PCDH7: variants seen among roughly 807,000 people sequenced by gnomAD.
PCDH7 encodes protocadherin 7.
Under a neutral mutation model 58.9 loss-of-function variants are expected in PCDH7, and 17 were observed. The ratio of observed to expected loss-of-function variants is 0.29; its 90% CI spans 0.20 to 0.43. PCDH7 has a LOEUF of 0.43. Ranked by LOEUF, PCDH7 falls within the 20% of genes least tolerant of loss-of-function variation. The pLI is 1.00. For synonymous variants in PCDH7, 664 were observed against 616.4 expected, an observed-to-expected ratio of 1.08 and a Z score of -1.14; for missense variants, 1,274 against 1,441.0, an observed-to-expected ratio of 0.88 and a Z score of 1.88.
chr4:30,810,234 A>G (rs1337178810), intron 1 of PCDH7, among the ~76,000 whole-genome samples: 1 of 152,148 alleles, frequency 6.6e-6, no homozygotes, highest in Non-Finnish European at 1.5e-5. Flanking sequence ...CACTAGACTG[A>G]GACATCTTGT....
At chr4:30,941,237 T>A (rs929957181) in intron 2 of PCDH7, among the ~76,000 whole-genome samples, 3 of 151,972 alleles carry the variant, frequency 2.0e-5, no homozygotes, top group South Asian at 2.1e-4. Context: ...GTGAACAGAC[T>A]GTTTTACTTT....
chr4:30,995,205 TAAG>T (rs1478123644), intron 3 of PCDH7, among the ~76,000 whole-genome samples: 2 of 152,122 alleles, frequency 1.3e-5, no homozygotes, highest in African/African-American at 2.4e-5. Flanking sequence ...TTTATACAAA[TAAG>T]AAAAACAGCA....
At chr4:31,040,025 T>C (rs1755724877) in intron 3 of PCDH7, among the ~76,000 whole-genome samples, 1 of 152,196 alleles carries the variant, frequency 6.6e-6, no homozygotes, top group Non-Finnish European at 1.5e-5. Context: ...CTGCCTTCTT[T>C]ATCAGTAGTG....
At chr4:30,807,684 T>G (rs1726409760) in intron 1 of PCDH7, among the ~76,000 whole-genome samples, 1 of 152,142 alleles carries the variant, frequency 6.6e-6, no homozygotes, top group Non-Finnish European at 1.5e-5. Context: ...TGAGTTCTGG[T>G]TGCGTTTTTA....
intron 3 of PCDH7, among the ~76,000 whole-genome samples, chr4:31,033,852 G>T (rs1755161536): frequency 6.6e-6 from 1 of 152,126 alleles, no homozygotes. Flanking sequence ...CTAGCACTTT[G>T]AGAGGCTGAG....
intron 3 of PCDH7, among the ~76,000 whole-genome samples, chr4:31,100,335 A>C (rs547577633): frequency 1.3e-5 from 2 of 152,230 alleles, no homozygotes; most frequent in African/African-American, 4.8e-5. Context: ...TCAAACAAAA[A>C]TGTAAAAGAA....
intron 3 of PCDH7, among the ~76,000 whole-genome samples, chr4:31,082,649 A>G (rs1711651957): frequency 1.3e-5 from 2 of 152,206 alleles, no homozygotes; most frequent in Admixed American, 6.5e-5. Context: ...GCTGGAGGCC[A>G]TTATTCTAAG....
rs181072988 is a variant in PCDH7 at position 31,113,577 on chromosome 4, T to C, written c.*8-28896T>C. On this transcript the variant is annotated intron_variant, in intron 3 of 3. Transcript: ENST00000509759. ...TATGGCTTGTCCTATAAATTACCCA[T>C]GTATAGTCTCACGCTGCATAAACAA... Among the ~76,000 whole-genome samples, 163 of 152,242 alleles carry C rather than the reference T, an allele frequency of 1.1e-3. 1 individual carries two copies. Among genetic ancestry groups the C allele is most frequent in the African/African-American group, 3.6e-3 (149 of 41,554 alleles).
At position 31,081,827 on chromosome 4, in the gene PCDH7, C is replaced by T. The variant is rs201537663; in HGVS notation, c.*8-60646C>T. Reference sequence around the variant, plus strand: ...TCACTCTGTCACCCATGCTGGAGTGCAGTGGCACTATCTTGGCTCACTGCA... The same window carrying T: ...TCACTCTGTCACCCATGCTGGAGTGTAGTGGCACTATCTTGGCTCACTGCA... On this transcript the variant is annotated intron_variant, in intron 3 of 3. Coordinates refer to the PCDH7 transcript ENST00000509759. 4.0e-5 allele frequency among the ~76,000 whole-genome samples: 6 copies of T among 150,346 alleles called. No individual in the cohort carries two copies. In the East Asian group the frequency reaches 1.2e-3, roughly 29 times the overall value.
intron 3 of PCDH7, among the ~76,000 whole-genome samples, chr4:30,955,546 A>G (rs1747769582): frequency 6.7e-6 from 1 of 149,392 alleles, no homozygotes; most frequent in Admixed American, 6.7e-5. Context: ...ATTTCATTTT[A>G]TTTTATTTTT....
chr4:30,851,248 T>C (rs1732699771), intron 1 of PCDH7, among the ~76,000 whole-genome samples: 1 of 151,948 alleles, frequency 6.6e-6, no homozygotes, highest in Admixed American at 6.6e-5. Flanking sequence ...ATTTCATTTT[T>C]GGTATAATGA....
intron 1 of PCDH7, among the ~76,000 whole-genome samples, chr4:30,919,941 A>G (rs139069906): frequency 0.014 from 2,071 of 152,244 alleles, 19 homozygotes; most frequent in Non-Finnish European, 0.021. Context: ...TCTGTTTCTG[A>G]AAGGGAATTT....
chr4:30,978,667 C>T (rs1393201535), intron 3 of PCDH7, among the ~76,000 whole-genome samples: 2 of 152,130 alleles, frequency 1.3e-5, no homozygotes, highest in Non-Finnish European at 2.9e-5. Flanking sequence ...ACTTTTAAAA[C>T]ACCTACACCA....
At chr4:30,798,577 G>C (rs557509164) in intron 1 of PCDH7, among the ~76,000 whole-genome samples, 2 of 152,172 alleles carry the variant, frequency 1.3e-5, no homozygotes, top group Non-Finnish European at 2.9e-5. Flanking sequence ...AAGACATTTT[G>C]TGAACAGAGT....
intron 1 of PCDH7, among the ~76,000 whole-genome samples, chr4:30,881,504 A>G (rs35554621): frequency 0.048 from 7,331 of 152,242 alleles, 380 homozygotes; most frequent in East Asian, 0.26. Flanking sequence ...TCATTGAGGA[A>G]TTCATGTCAT....
intron 1 of PCDH7, among the ~76,000 whole-genome samples, chr4:30,894,463 GAAAAAAAAAA>G (rs750545292): frequency 0.018 from 234 of 12,866 alleles, no homozygotes; most frequent in African/African-American, 0.065. Flanking sequence ...TTTCATTCAG[GAAAAAAAAAA>G]AAAAAAAAAA....
chr4:30,831,879 G>A (rs915175576), intron 1 of PCDH7, among the ~76,000 whole-genome samples: 2 of 151,942 alleles, frequency 1.3e-5, no homozygotes, highest in African/African-American at 2.4e-5. Flanking sequence ...TTCCTATGAT[G>A]AGTTCTGTCT....
intron 3 of PCDH7, among the ~76,000 whole-genome samples, chr4:31,133,519 G>A (rs945430465): frequency 1.1e-4 from 16 of 152,118 alleles, no homozygotes; most frequent in Admixed American, 9.2e-4. Flanking sequence ...GTCTGTTCCT[G>A]GGTTTTATAA....
intron 3 of PCDH7, among the ~76,000 whole-genome samples, chr4:31,002,579 G>C (rs1326880226): frequency 1.3e-5 from 2 of 152,136 alleles, no homozygotes; most frequent in African/African-American, 2.4e-5. Flanking sequence ...TGTAATCCCA[G>C]AAAACTAGAA....
Sources: allele counts gnomAD v4.1 joint callset (sites outside exome capture counted in the v4.1 genomes callset), GRCh38; gene constraint gnomAD v4.1.1; transcripts MANE v1.5; gene names NCBI Gene and HGNC (gene_info 2026-07-23, HGNC 2026-07-21).